SLIT3: variants seen among roughly 807,000 people sequenced by gnomAD.
The protein encoded by SLIT3 is slit guidance ligand 3.
Under a neutral mutation model 184.0 loss-of-function variants are expected in SLIT3, and 68 were observed. That is an observed-to-expected ratio of 0.37 (90% CI 0.30 to 0.45). The LOEUF is 0.45. Among genes scored for constraint, SLIT3 ranks in the 20% least tolerant of loss-of-function variants. The pLI, the probability that SLIT3 is intolerant of heterozygous loss-of-function variation, is 1.00. For missense variants in SLIT3, 1,707 were observed against 2,026.0 expected (o/e 0.84, Z 3.02); for synonymous variants, 831 against 828.6 (o/e 1.00, Z -0.05).
chr5:169,171,745 CCTCGGAGGA>C, intron 4 of SLIT3, among the ~76,000 whole-genome samples: 1 of 152,196 alleles, frequency 6.6e-6, no homozygotes, highest in East Asian at 1.9e-4. Flanking sequence ...CAGACATCTA[CCTCGGAGGA>C]CTCAGCTGGG....
chr5:168,743,820 C>T (rs1363904870), intron 20 of SLIT3, among the ~76,000 whole-genome samples: 2 of 152,200 alleles, frequency 1.3e-5, no homozygotes, highest in Non-Finnish European at 2.9e-5. Flanking sequence ...TTATTGCTGA[C>T]ATGCAAAAAC....
chr5:169,184,827 A>T (rs1299098243), intron 4 of SLIT3, among the ~76,000 whole-genome samples: 1 of 152,208 alleles, frequency 6.6e-6, no homozygotes, highest in Non-Finnish European at 1.5e-5. Context: ...GTCGTGTTCC[A>T]GACTTACACA....
intron 3 of SLIT3, among the ~76,000 whole-genome samples, chr5:169,195,770 C>A (rs1309885012): frequency 6.6e-6 from 1 of 152,146 alleles, no homozygotes; most frequent in African/African-American, 2.4e-5. Context: ...AAGTGATCCG[C>A]CCACCTCAGC....
intron 6 of SLIT3, among the ~76,000 whole-genome samples, chr5:168,838,807 C>T (rs1297577816): frequency 6.6e-6 from 1 of 152,132 alleles, no homozygotes; most frequent in Non-Finnish European, 1.5e-5. Flanking sequence ...CATCAGGCCA[C>T]GTTGAACCCA....
At position 168,774,237 on chromosome 5, in the gene SLIT3, T is replaced by G. The variant is rs1229610420; in HGVS notation, c.1293A>C (p.Thr431=). ...GLFAPLQSIQ[T]LHLAQNPFVC... ...GGCACCCGAGGCAGTGTACTCACAG[T>G]GTCTGGATGGACTGCAGAGGGGCGA... Residue 431 remains threonine, a splice_region_variant and synonymous_variant, in exon 13 of 36, where the codon ACA becomes ACC. Transcript: ENST00000519560. 1 of 1,608,728 alleles carries G rather than the reference T, an allele frequency of 6.2e-7. No homozygotes were observed.
intron 4 of SLIT3, among the ~76,000 whole-genome samples, chr5:169,052,268 G>A (rs1239875569): frequency 6.6e-6 from 1 of 152,150 alleles, no homozygotes; most frequent in East Asian, 1.9e-4. Context: ...GTCAATGAAT[G>A]CCAGATGTTC....
intron 4 of SLIT3, among the ~76,000 whole-genome samples, chr5:169,048,571 T>C (rs1312158766): frequency 6.6e-6 from 1 of 152,192 alleles, no homozygotes; most frequent in African/African-American, 2.4e-5. Context: ...ATTCACACAG[T>C]AGTTACCTAG....
Position 169,300,004 on chromosome 5 carries a change from C to A in SLIT3, c.197+509G>T, listed in dbSNP as rs983023487. Among the ~76,000 whole-genome samples the A allele has an allele frequency of 1.3e-5, 2 of 152,230 alleles. No individual in the cohort carries two copies. The highest frequency in any genetic ancestry group is 4.8e-5 in the African/African-American group (2 of 41,462). On this transcript the variant is annotated intron_variant, in intron 1 of 35. Transcript: ENST00000519560. This position sits in a 1 kb window ranked among gnomAD's most constrained non-coding sequence, Gnocchi z 4.1. ...TCCAGTTCCTCAGAAGTTAAACCTT[C>A]ACCCACACTCTCAACTTTCCTTGCA...
chr5:168,984,020 A>C (rs1755039353), intron 4 of SLIT3, among the ~76,000 whole-genome samples: 1 of 152,102 alleles, frequency 6.6e-6, no homozygotes, highest in Non-Finnish European at 1.5e-5. Flanking sequence ...ACTGGATTCC[A>C]GCCTGGGTGA....
At chr5:169,119,569 C>CACTG (rs1760807310) in intron 4 of SLIT3, among the ~76,000 whole-genome samples, 1 of 152,184 alleles carries the variant, frequency 6.6e-6, no homozygotes. Flanking sequence ...TTTTCTTTGA[C>CACTG]ACTGACGTTT....
At chr5:168,826,382 G>C (rs1421907074) in intron 6 of SLIT3, among the ~76,000 whole-genome samples, 2 of 152,166 alleles carry the variant, frequency 1.3e-5, no homozygotes, top group Non-Finnish European at 2.9e-5. Context: ...AATAAACACA[G>C]ATTTATTTGA....
At chr5:169,149,786 G>A (rs553435259) in intron 4 of SLIT3, among the ~76,000 whole-genome samples, 4 of 152,346 alleles carry the variant, frequency 2.6e-5, no homozygotes, top group African/African-American at 7.2e-5. Context: ...GATGGTCAAT[G>A]TTAGCTGGTC....
At chr5:169,065,634 T>C (rs749997484) in intron 4 of SLIT3, among the ~76,000 whole-genome samples, 1 of 152,296 alleles carries the variant, frequency 6.6e-6, no homozygotes, top group South Asian at 2.1e-4. Flanking sequence ...CCTGTCACCC[T>C]CCCAAAGGCA....
intron 35 of SLIT3, among the ~76,000 whole-genome samples, chr5:168,668,248 G>A (rs896459640): frequency 2.6e-5 from 4 of 152,162 alleles, no homozygotes; most frequent in Non-Finnish European, 5.9e-5. Context: ...GTTGGATGGA[G>A]GCTGTGGAGC....
At chr5:168,779,435 G>T (rs1284178667) in intron 12 of SLIT3, among the ~76,000 whole-genome samples, 1 of 152,232 alleles carries the variant, frequency 6.6e-6, no homozygotes, top group Non-Finnish European at 1.5e-5. Context: ...TGGCACATTG[G>T]AGAGTGGGAG....
At chr5:169,028,317 A>G (rs900567126) in intron 4 of SLIT3, among the ~76,000 whole-genome samples, 2 of 151,760 alleles carry the variant, frequency 1.3e-5, no homozygotes, top group Non-Finnish European at 2.9e-5. Context: ...AACTGCGTCT[A>G]CTCTTAACTC....
chr5:168,833,787 T>C (rs186224367), intron 6 of SLIT3, among the ~76,000 whole-genome samples: 12 of 152,320 alleles, frequency 7.9e-5, no homozygotes, highest in Admixed American at 7.8e-4. Flanking sequence ...ATTTTTCCTA[T>C]GGCTGTGGGC....
At chr5:168,975,983 A>G (rs1754743360) in intron 4 of SLIT3, among the ~76,000 whole-genome samples, 1 of 152,160 alleles carries the variant, frequency 6.6e-6, no homozygotes, top group Non-Finnish European at 1.5e-5. Context: ...GATTTTAAAC[A>G]ACACTAAATC....
chr5:169,016,870 T>G (rs1405537614), intron 4 of SLIT3, among the ~76,000 whole-genome samples: 1 of 152,122 alleles, frequency 6.6e-6, no homozygotes, highest in Non-Finnish European at 1.5e-5. Flanking sequence ...TTTTTTGGAG[T>G]TTGTATCATT....
Sources: allele counts gnomAD v4.1 joint callset (sites outside exome capture counted in the v4.1 genomes callset), GRCh38; gene constraint gnomAD v4.1.1; non-coding constraint Gnocchi (gnomAD v3.1); transcripts MANE v1.5; gene names NCBI Gene and HGNC (gene_info 2026-07-23, HGNC 2026-07-21).